MACROD1: variants seen among roughly 807,000 people sequenced by gnomAD.
MACROD1 encodes the protein mono-ADP ribosylhydrolase 1.
In MACROD1, 31 loss-of-function variants were observed where a neutral mutation model predicts 41.4. The ratio of observed to expected loss-of-function variants is 0.75; its 90% CI spans 0.56 to 1.01. The LOEUF (loss-of-function observed/expected upper bound fraction) is 1.01. Ranked by LOEUF, MACROD1 falls within the 50% of genes least tolerant of loss-of-function variation. The probability of loss-of-function intolerance (pLI) is 0.00; values close to 1 mark genes in which losing one functional copy is unlikely to be tolerated. For synonymous variants in MACROD1, 252 were observed against 203.4 expected (o/e 1.24, Z -2.03); for missense variants, 473 against 460.0 (o/e 1.03, Z -0.26).
At chr11:64,012,131 G>A (rs1397586283) in intron 4 of MACROD1, among the ~76,000 whole-genome samples, 7 of 152,224 alleles carry the variant, frequency 4.6e-5, no homozygotes, top group Middle Eastern at 3.4e-3. Context: ...CACCCGCCCC[G>A]TCCATCTCTC....
At chr11:64,133,863 T>C (rs995015560) in intron 3 of MACROD1, among the ~76,000 whole-genome samples, 5 of 152,156 alleles carry the variant, frequency 3.3e-5, no homozygotes, top group African/African-American at 1.2e-4. Context: ...ACAGACTACA[T>C]GGGAGCGACA....
At chr11:63,998,916 G>A (rs1158188038) in intron 9 of MACROD1, 39 bp downstream of exon 9, 2 of 1,587,426 alleles carry the variant, frequency 1.3e-6, no homozygotes, top group African/African-American at 1.3e-5. Context: ...AGGGTGGACC[G>A]GGGCAGGGGC....
At chr11:64,021,656 G>C (rs924419100) in intron 3 of MACROD1, among the ~76,000 whole-genome samples, 14 of 152,082 alleles carry the variant, frequency 9.2e-5, no homozygotes, top group South Asian at 2.1e-4. Flanking sequence ...CAGGAGTTGG[G>C]GGGGTGGGGG....
intron 3 of MACROD1, among the ~76,000 whole-genome samples, chr11:64,042,987 C>T (rs1169961707): frequency 6.6e-6 from 1 of 152,224 alleles, no homozygotes; most frequent in Non-Finnish European, 1.5e-5. Context: ...GTAGTCAGGA[C>T]ACATTCTGGG....
At chr11:64,126,741 G>C (rs1945188169) in intron 3 of MACROD1, 1 of 151,752 alleles carries the variant, frequency 6.6e-6, no homozygotes, top group African/African-American at 2.4e-5. Context: ...TAACCGCCCG[G>C]GTCAGAGGGA....
intron 3 of MACROD1, among the ~76,000 whole-genome samples, chr11:64,084,168 C>A (rs1590884450): frequency 6.6e-6 from 1 of 152,180 alleles, no homozygotes; most frequent in Admixed American, 6.5e-5. Flanking sequence ...GCGCCTTCTG[C>A]AGTCCTGGAG....
intron 4 of MACROD1, among the ~76,000 whole-genome samples, chr11:64,010,110 T>C (rs1277995382): frequency 7.5e-6 from 1 of 133,894 alleles, no homozygotes; most frequent in African/African-American, 2.9e-5. Context: ...GGTTGGGGGG[T>C]TGGCTGGGGT....
At chr11:64,156,052 G>A (rs1945662640) in intron 1 of MACROD1, among the ~76,000 whole-genome samples, 1 of 146,752 alleles carries the variant, frequency 6.8e-6, no homozygotes, top group Admixed American at 7.1e-5. Context: ...AGGTTGCGGT[G>A]AGCTGAGATC....
chr11:64,091,531 G>A (rs780222652), intron 3 of MACROD1, among the ~76,000 whole-genome samples: 118 of 152,218 alleles, frequency 7.8e-4, no homozygotes, highest in African/African-American at 2.8e-3. Flanking sequence ...AACAGTAGCT[G>A]AGGTGCATGC....
rs1385898588 is a variant in MACROD1 at position 64,064,293 on chromosome 11, C to G, written c.518-49012G>C. On this transcript the variant is annotated intron_variant, in intron 3 of 10. Transcript: ENST00000255681. This position sits in a 1 kb window ranked among gnomAD's most constrained non-coding sequence, Gnocchi z 4.5. Reference sequence around the variant, plus strand: ...CACACCGTAGTCTCCACGTGCAGCCCTGTTCAGGCGGCGGGTAGGGGGGTG... The same window carrying G: ...CACACCGTAGTCTCCACGTGCAGCCGTGTTCAGGCGGCGGGTAGGGGGGTG... 6.6e-6 allele frequency among the ~76,000 whole-genome samples: 1 copy of G among 152,238 alleles called. No homozygotes were observed. The highest frequency in any genetic ancestry group is 1.5e-5 in the Non-Finnish European group (1 of 68,040).
chr11:64,006,386 C>G (rs149272428), intron 4 of MACROD1, among the ~76,000 whole-genome samples: 32 of 152,346 alleles, frequency 2.1e-4, no homozygotes, highest in South Asian at 1.9e-3. Flanking sequence ...GAGCTCAGCC[C>G]AGCAGGGTGC....
intron 3 of MACROD1, among the ~76,000 whole-genome samples, chr11:64,133,956 T>G (rs181013574): frequency 1.3e-5 from 2 of 152,066 alleles, no homozygotes; most frequent in East Asian, 3.9e-4. Context: ...GCCAAGGAAA[T>G]GGAGGAGAGG....
Position 64,151,248 on chromosome 11 carries a change from C to T in MACROD1, c.508G>A (p.Val170Ile), listed in dbSNP as rs1395119999. 6 of 1,613,134 alleles carry T rather than the reference C, an allele frequency of 3.7e-6. No homozygotes were observed. Among genetic ancestry groups the T allele is most frequent in the African/African-American group, 1.3e-5 (1 of 75,064 alleles). ...CAGGCCAGCCACTCACCGGCGTTGACGATGGCGTCCACCTCCAGCTTGGTG... is the reference window on the plus strand; with the variant it reads ...CAGGCCAGCCACTCACCGGCGTTGATGATGGCGTCCACCTCCAGCTTGGTG... ...DITKLEVDAI[V>I]NAANSSLLGG... Residue 170 changes from valine (V) to isoleucine (I), a missense_variant, in exon 3 of 11, where the codon GTC (valine) becomes ATC (isoleucine). Coordinates refer to ENST00000255681, the MANE Select transcript of MACROD1 (RefSeq NM_014067.4).
chr11:64,040,298 T>C (rs957019286), intron 3 of MACROD1, among the ~76,000 whole-genome samples: 14 of 152,006 alleles, frequency 9.2e-5, no homozygotes, highest in Admixed American at 9.2e-4. Context: ...AAGGGGGTGC[T>C]TAAGACATGA....
Position 64,032,013 on chromosome 11 carries a change from C to T in MACROD1, c.518-16732G>A, listed in dbSNP as rs1045280529. 2.0e-5 allele frequency among the ~76,000 whole-genome samples: 3 copies of T among 152,212 alleles called. No individual in the cohort carries two copies. In the South Asian group the frequency reaches 6.2e-4, roughly 32 times the overall value. On this transcript the variant is annotated intron_variant, in intron 3 of 10. Coordinates refer to ENST00000255681, the MANE Select transcript of MACROD1 (RefSeq NM_014067.4). ...TCTGAACATCTGCAATTTGTCCTTG[C>T]CTTGGTGCCAACCCCTGACCACTGC...
At chr11:64,048,678 G>A (rs1943632522) in intron 3 of MACROD1, among the ~76,000 whole-genome samples, 1 of 139,080 alleles carries the variant, frequency 7.2e-6, no homozygotes, top group Admixed American at 6.7e-5. Context: ...GCCCTACAAA[G>A]TGCCTGCAGT....
chr11:64,107,490 C>T (rs1413108441), intron 3 of MACROD1, among the ~76,000 whole-genome samples: 1 of 152,346 alleles, frequency 6.6e-6, no homozygotes, highest in Non-Finnish European at 1.5e-5. Context: ...GCACCAGCGC[C>T]ACCCAGCCGG....
At chr11:64,012,488 C>G (rs560164672) in intron 4 of MACROD1, among the ~76,000 whole-genome samples, 27 of 151,940 alleles carry the variant, frequency 1.8e-4, no homozygotes, top group African/African-American at 6.5e-4. Context: ...GCAGCCCCTG[C>G]CTATGGGGTT....
At position 64,146,460 on chromosome 11, in the gene MACROD1, C is replaced by T. The variant is rs887473053; in HGVS notation, c.517+4779G>A. 1.3e-5 allele frequency among the ~76,000 whole-genome samples: 2 copies of T among 152,054 alleles called. No individual in the cohort carries two copies. Among genetic ancestry groups the T allele is most frequent in the African/African-American group, 2.4e-5 (1 of 41,376 alleles). On this transcript the variant is annotated intron_variant, in intron 3 of 10. Coordinates refer to ENST00000255681, the MANE Select transcript of MACROD1 (RefSeq NM_014067.4). This position sits in a 1 kb window ranked among gnomAD's most constrained non-coding sequence, Gnocchi z 4.7. ...TGCTCCTGTGGGCAGGAGCCGTGGC[C>T]GACACAGATGGCAGGAACCTGAGAC...
Sources: gnomAD v4.1 joint callset for allele counts (sites outside exome capture counted in the v4.1 genomes callset) on GRCh38, gnomAD v4.1.1 for gene constraint, Gnocchi (gnomAD v3.1) non-coding constraint, MANE v1.5 for transcripts, NCBI Gene and HGNC (gene_info 2026-07-23, HGNC 2026-07-21) for gene names.